Variants in MTMR2 observed in about 807,000 individuals in gnomAD.
MTMR2 encodes the protein myotubularin related protein 2.
Under a neutral mutation model 86.9 loss-of-function variants are expected in MTMR2, and 55 were observed. The ratio of observed to expected loss-of-function variants is 0.63; its 90% CI spans 0.51 to 0.79. MTMR2 has a LOEUF of 0.79. MTMR2 is among the 30% of genes least tolerant of loss of function. MTMR2 has a pLI of 0.00. For synonymous variants in MTMR2, 241 were observed against 266.8 expected (o/e 0.90, Z 0.94); for missense variants, 659 against 772.3 (o/e 0.85, Z 1.74).
chr11:95,918,143 C>T (rs1352852003), intron 1 of MTMR2, among the ~76,000 whole-genome samples: 2 of 152,148 alleles, frequency 1.3e-5, no homozygotes, highest in African/African-American at 4.8e-5. Context: ...TAGACCTTAA[C>T]TTAGTTTTAA....
chr11:95,861,513 T>G (rs573341060), intron 5 of MTMR2, among the ~76,000 whole-genome samples: 1 of 151,654 alleles, frequency 6.6e-6, no homozygotes, highest in Non-Finnish European at 1.5e-5. Context: ...AACATCCGCC[T>G]CCCAGGTTCA....
intron 2 of MTMR2, among the ~76,000 whole-genome samples, chr11:95,884,474 C>T (rs1865446593): frequency 6.6e-6 from 1 of 152,106 alleles, no homozygotes; most frequent in Non-Finnish European, 1.5e-5. Context: ...GTATGAATGA[C>T]CTGAGACAAA....
At chr11:95,845,963 T>C (rs1280382376) in intron 10 of MTMR2, among the ~76,000 whole-genome samples, 1 of 148,474 alleles carries the variant, frequency 6.7e-6, no homozygotes, top group Non-Finnish European at 1.5e-5. Context: ...TGAAAAACAG[T>C]ATAGTTCTAC....
At chr11:95,836,035 T>C (rs1219358018) in intron 14 of MTMR2, 113 bp downstream of exon 14, 1 of 1,045,518 alleles carries the variant, frequency 9.6e-7, no homozygotes, top group Non-Finnish European at 1.5e-6. Flanking sequence ...TAACTATCAA[T>C]GGGTAAGGAG....
In MTMR2 at chr11:95,893,150, T is replaced by C. The variant is rs1361614851; in HGVS notation, c.81-4889A>G. 2.0e-5 allele frequency among the ~76,000 whole-genome samples: 3 copies of C among 152,196 alleles called. No homozygotes were observed. In the East Asian group the frequency reaches 5.8e-4, roughly 29 times the overall value. On this transcript the variant is annotated intron_variant, in intron 1 of 14. Coordinates refer to ENST00000346299, the MANE Select transcript of MTMR2 (RefSeq NM_016156.6). ...TTTCCTCTCTAGCATTTCTTTCTAC[T>C]CCAAAGCTGCCATCATTATGGGAAT...
At chr11:95,878,500 C>T (rs1372204692) in intron 2 of MTMR2, among the ~76,000 whole-genome samples, 2 of 152,004 alleles carry the variant, frequency 1.3e-5, no homozygotes, top group African/African-American at 4.8e-5. Flanking sequence ...AAATGCACCA[C>T]ACAAGGTACA....
chr11:95,845,530 G>T (rs568878), intron 10 of MTMR2, among the ~76,000 whole-genome samples: 74,076 of 151,812 alleles, frequency 0.49, 18,687 homozygotes, highest in African/African-American at 0.6. Flanking sequence ...TTGAAGCCTT[G>T]TTATGATTTA....
chr11:95,865,760 C>G, intron 2 of MTMR2, 84 bp from the exon 3 acceptor site: 1 of 1,129,692 alleles, frequency 8.9e-7, no homozygotes, highest in Non-Finnish European at 1.3e-6. Flanking sequence ...TATACTTGCT[C>G]TTGAAGTTAT....
chr11:95,851,524 G>T (rs934624454), intron 7 of MTMR2, among the ~76,000 whole-genome samples: 1 of 152,028 alleles, frequency 6.6e-6, no homozygotes, highest in Non-Finnish European at 1.5e-5. Flanking sequence ...CACCATGCCC[G>T]GCTAATTTTG....
chr11:95,862,108 GAAGGA>G lies in MTMR2; in HGVS notation c.358-11_358-7del. 1 of 1,585,446 alleles carries G rather than the reference GAAGGA, an allele frequency of 6.3e-7. No homozygotes were observed. The highest frequency in any genetic ancestry group is 8.6e-7 in the Non-Finnish European group (1 of 1,156,946). On this transcript the variant is annotated splice_region_variant and splice_polypyrimidine_tract_variant and intron_variant, in intron 4 of 14. Coordinates refer to ENST00000346299, the MANE Select transcript of MTMR2 (RefSeq NM_016156.6). ...TCTAAAACAAATGGGGGATCCTAAA[GAAGGA>G]AAGAAAAAATAATTAAAACTGAGCA... is the stretch of plus-strand genomic sequence containing the variant.
intron 1 of MTMR2, among the ~76,000 whole-genome samples, chr11:95,894,693 A>G (rs377130316): frequency 3.3e-5 from 5 of 152,304 alleles, no homozygotes; most frequent in African/African-American, 1.2e-4. Context: ...AAGTTTTCAA[A>G]AGAGTTTCTT....
Position 95,835,085 on chromosome 11 carries a change from A to G in MTMR2, c.*205T>C, listed in dbSNP as rs2135397991. Reference sequence around the variant, plus strand: ...TTTGGATACTTAAAAGATTAGTATCATAATCATGTAATTACATATGGAGTT... The same window carrying G: ...TTTGGATACTTAAAAGATTAGTATCGTAATCATGTAATTACATATGGAGTT... On this transcript the variant is annotated 3_prime_UTR_variant, in exon 15 of 15. Transcript: ENST00000346299. 8.6e-6 allele frequency: 5 copies of G among 580,336 alleles called. No homozygotes were observed. The highest frequency in any genetic ancestry group is 1.5e-5 in the Non-Finnish European group (5 of 325,418). 35.9% of individuals were successfully genotyped at this position (580,336 alleles called of 1,614,324 possible). A position where few individuals can be genotyped will look rare whatever the true frequency, so the allele number is the denominator to read the frequency against.
chr11:95,868,933 C>T (rs1306500155), intron 2 of MTMR2, among the ~76,000 whole-genome samples: 1 of 150,372 alleles, frequency 6.7e-6, no homozygotes, highest in East Asian at 1.9e-4. Flanking sequence ...GAAAATACAA[C>T]CCAGAAATAC....
At chr11:95,870,463 G>A (rs949464329) in intron 2 of MTMR2, among the ~76,000 whole-genome samples, 69 of 152,216 alleles carry the variant, frequency 4.5e-4, no homozygotes, top group Non-Finnish European at 1.5e-4. Flanking sequence ...TAGAATCCTG[G>A]ATTAGTCTAT....
Position 95,845,121 on chromosome 11 carries a change from T to C in MTMR2, c.1218A>G (p.Val406=). The change falls in exon 11 of 15, where the codon GTA becomes GTG. Residue 406 remains valine (V), a synonymous_variant. Coordinates refer to ENST00000346299, the MANE Select transcript of MTMR2 (RefSeq NM_016156.6). ...CTACCACAGACGTCTTCCCTGACTC[T>C]ACCTTGTCAGCAATCCTAAGAGCCC... ...LAGALRIADK[V]ESGKTSVVVH... 2 of 1,613,932 alleles carry C rather than the reference T, an allele frequency of 1.2e-6. No individual in the cohort carries two copies. The highest frequency in any genetic ancestry group is 8.5e-7 in the Non-Finnish European group (1 of 1,179,852).
At chr11:95,847,952 C>T in intron 9 of MTMR2, 53 bp from the exon 10 acceptor site, 1 of 1,498,728 alleles carries the variant, frequency 6.7e-7, no homozygotes, top group Non-Finnish European at 9.3e-7. Flanking sequence ...CATCTGTAAA[C>T]AAGTGACATA....
chr11:95,895,916 C>G (rs1332401483), intron 1 of MTMR2, among the ~76,000 whole-genome samples: 1 of 151,952 alleles, frequency 6.6e-6, no homozygotes, highest in African/African-American at 2.4e-5. Context: ...TGGAAACAAC[C>G]CATGTCATTC....
intron 1 of MTMR2, among the ~76,000 whole-genome samples, chr11:95,896,787 T>C (rs150112225): frequency 6.6e-6 from 1 of 152,068 alleles, no homozygotes; most frequent in African/African-American, 2.4e-5. Flanking sequence ...GAGTTGTTAT[T>C]GTGTGCATAT....
At chr11:95,886,056 G>GA (rs1473815708) in intron 2 of MTMR2, among the ~76,000 whole-genome samples, 2 of 152,196 alleles carry the variant, frequency 1.3e-5, no homozygotes, top group African/African-American at 4.8e-5. Context: ...AAAAGTCTGA[G>GA]AAACTGTCCC....
Sources: gnomAD v4.1 joint callset for allele counts (sites outside exome capture counted in the v4.1 genomes callset) on GRCh38, gnomAD v4.1.1 for gene constraint, MANE v1.5 for transcripts, NCBI Gene and HGNC (gene_info 2026-07-23, HGNC 2026-07-21) for gene names.